Variants in DNAAF11 observed in about 807,000 individuals in gnomAD.
DNAAF11 encodes the protein dynein axonemal assembly factor 11, also known as leucine rich repeat containing 6.
In DNAAF11, 45 loss-of-function variants were observed where a neutral mutation model predicts 60.8. The ratio of observed to expected loss-of-function variants is 0.74; its 90% CI spans 0.58 to 0.95. The LOEUF is 0.95. Ranked by LOEUF, DNAAF11 falls within the 40% of genes least tolerant of loss-of-function variation. The probability of loss-of-function intolerance (pLI) is 0.00; values close to 1 mark genes in which losing one functional copy is unlikely to be tolerated. For missense variants in DNAAF11, 546 were observed against 546.2 expected, an observed-to-expected ratio of 1.00 and a Z score of 0.00; for synonymous variants, 191 against 183.5, an observed-to-expected ratio of 1.04 and a Z score of -0.33.
At chr8:132,661,375 G>T in intron 2 of DNAAF11, 85 bp downstream of exon 2, 2 of 1,120,398 alleles carry the variant, frequency 1.8e-6, no homozygotes, top group Non-Finnish European at 1.3e-6. Flanking sequence ...TTCAGTGATT[G>T]TCTTCTAAAA....
At chr8:132,674,205 GAGA>G (rs1378339874) in intron 1 of DNAAF11, among the ~76,000 whole-genome samples, 1 of 150,800 alleles carries the variant, frequency 6.6e-6, no homozygotes, top group Non-Finnish European at 1.5e-5. Context: ...GAAGGAGGAG[GAGA>G]AGGAGGAGGA....
chr8:132,592,711 G>C (rs1416900810), intron 10 of DNAAF11, among the ~76,000 whole-genome samples: 1 of 152,118 alleles, frequency 6.6e-6, no homozygotes, highest in Non-Finnish European at 1.5e-5. Flanking sequence ...TAATACCATT[G>C]TAGTAATAAG....
chr8:132,634,203 A>G (rs1821073011), intron 4 of DNAAF11, among the ~76,000 whole-genome samples: 1 of 152,212 alleles, frequency 6.6e-6, no homozygotes, highest in Admixed American at 6.5e-5. Context: ...GATGGGCTGC[A>G]GATTTGGTTC....
chr8:132,675,377 G>C (rs10100324), intron 1 of DNAAF11, 107 bp downstream of exon 1: 121 of 1,301,982 alleles, frequency 9.3e-5, no homozygotes, highest in Admixed American at 1.2e-4. Flanking sequence ...GCCCAGGCGC[G>C]GGGGAACCGA....
the DNAAF11 span, among the ~76,000 whole-genome samples, chr8:132,693,231 A>G: frequency 1.3e-5 from 2 of 152,222 alleles, no homozygotes; most frequent in Non-Finnish European, 2.9e-5. Context: ...CCACAGATTC[A>G]GAGTGAGCAT....
intron 11 of DNAAF11, among the ~76,000 whole-genome samples, chr8:132,579,574 T>C (rs1815102628): frequency 6.6e-6 from 1 of 152,172 alleles, no homozygotes. Flanking sequence ...AGCTCCCTCT[T>C]ATCTCAAGAT....
intron 6 of DNAAF11, among the ~76,000 whole-genome samples, chr8:132,623,515 T>C (rs1017243708): frequency 6.6e-6 from 1 of 151,950 alleles, no homozygotes; most frequent in South Asian, 2.1e-4. Flanking sequence ...AAGCAAATAA[T>C]AGAAGATTAA....
chr8:132,658,261 C>T (rs1236321011), intron 2 of DNAAF11, among the ~76,000 whole-genome samples: 1 of 152,064 alleles, frequency 6.6e-6, no homozygotes, highest in Non-Finnish European at 1.5e-5. Context: ...CTAAGTAATC[C>T]TAATGTTTGA....
chr8:132,588,668 CAAAT>C (rs1816155027), intron 10 of DNAAF11, among the ~76,000 whole-genome samples: 1 of 152,088 alleles, frequency 6.6e-6, no homozygotes, highest in South Asian at 2.1e-4. Flanking sequence ...GAGCAGAAAT[CAAAT>C]AAGGTATTTT....
chr8:132,583,848 T>C lies in DNAAF11; in HGVS notation c.1141-69A>G, dbSNP rs1452906385. 4.9e-6 allele frequency: 5 copies of C among 1,012,932 alleles called. No individual in the cohort carries two copies. The East Asian group carries it at 1.0e-4, about 21-fold the overall frequency. 62.7% of individuals were successfully genotyped at this position (1,012,932 alleles called of 1,614,324 possible). ...TGATGTACCTTAAAAAATATACATA[T>C]ATGTATTTTAAAAGATACTAAAACA... is the stretch of plus-strand genomic sequence containing the variant. On this transcript the variant is annotated intron_variant, in intron 10 of 11. Transcript: ENST00000620350.
chr8:132,656,661 G>T (rs932959704), intron 3 of DNAAF11, among the ~76,000 whole-genome samples, 169 bp downstream of exon 3: 1 of 151,988 alleles, frequency 6.6e-6, no homozygotes, highest in East Asian at 1.9e-4. Flanking sequence ...TAGTAGAGAC[G>T]GGGTTTAATC....
In DNAAF11 at chr8:132,665,487, A is replaced by T. The variant is rs1824543240; in HGVS notation, c.11-3860T>A. ...GACACAAAAGTGCCCAGCAAACTTT[A>T]AAAAAAAAAGCTCCACATCACTAGT... is the stretch of plus-strand genomic sequence containing the variant. On this transcript the variant is annotated intron_variant, in intron 1 of 11. Coordinates refer to ENST00000620350, the MANE Select transcript of DNAAF11 (RefSeq NM_012472.6). 1.4e-5 allele frequency among the ~76,000 whole-genome samples: 2 copies of T among 143,722 alleles called. 1 individual carries two copies. Among genetic ancestry groups the T allele is most frequent in the South Asian group, 4.4e-4 (2 of 4,572 alleles). 94.3% of individuals were successfully genotyped at this position (143,722 alleles called of 152,430 possible). A position where few individuals can be genotyped will look rare whatever the true frequency, so the allele number is the denominator to read the frequency against.
intron 3 of DNAAF11, among the ~76,000 whole-genome samples, chr8:132,639,921 GA>G (rs973409564): frequency 2.8e-4 from 42 of 151,708 alleles, no homozygotes; most frequent in Non-Finnish European, 5.2e-4. Flanking sequence ...GATAAAACGA[GA>G]AAAAAATACA....
intron 3 of DNAAF11, among the ~76,000 whole-genome samples, chr8:132,644,339 T>A (rs1178668313): frequency 6.6e-6 from 1 of 152,108 alleles, no homozygotes; most frequent in Non-Finnish European, 1.5e-5. Flanking sequence ...AACAATAAGG[T>A]TGCATTTAAA....
chr8:132,693,547 G>A, the DNAAF11 span, among the ~76,000 whole-genome samples: 1 of 151,720 alleles, frequency 6.6e-6, no homozygotes, highest in Non-Finnish European at 1.5e-5. Context: ...AAGACAACTA[G>A]AACAAAAAAG....
upstream of DNAAF11, chr8:132,675,604 G>C: frequency 8.4e-7 from 1 of 1,196,798 alleles, no homozygotes; most frequent in South Asian, 1.7e-5. Context: ...AGGAGCCATG[G>C]CAACGGGGAC....
chr8:132,572,204 A>G lies in DNAAF11; in HGVS notation c.*102T>C. The G allele has an allele frequency of 1.1e-6, 1 of 937,398 alleles. No individual in the cohort carries two copies. The highest frequency in any genetic ancestry group is 2.0e-5 in the South Asian group (1 of 49,238). 58.1% of individuals were successfully genotyped at this position (937,398 alleles called of 1,614,324 possible). On this transcript the variant is annotated 3_prime_UTR_variant, in exon 12 of 12. Transcript: ENST00000620350. ...AAAACACTGGAGCAGCGATATTGAC[A>G]AATAACTCTGTGTTTATCCCAGGAA...
At chr8:132,646,819 T>C (rs1398781593) in intron 3 of DNAAF11, among the ~76,000 whole-genome samples, 1 of 152,096 alleles carries the variant, frequency 6.6e-6, no homozygotes, top group African/African-American at 2.4e-5. Context: ...ATGCACCCAA[T>C]ACAGGAGCAC....
chr8:132,601,576 T>C (rs1164036716), intron 10 of DNAAF11, among the ~76,000 whole-genome samples: 1 of 152,114 alleles, frequency 6.6e-6, no homozygotes, highest in Non-Finnish European at 1.5e-5. Flanking sequence ...ATATACACCA[T>C]GGAATACTAT....
Sources: gnomAD v4.1 joint callset for allele counts (sites outside exome capture counted in the v4.1 genomes callset) on GRCh38, gnomAD v4.1.1 for gene constraint, MANE v1.5 for transcripts, NCBI Gene and HGNC (gene_info 2026-07-23, HGNC 2026-07-21) for gene names.